The following PXDNL variants were observed in gnomAD, a reference collection of about 807,000 sequenced individuals.
PXDNL encodes probable oxidoreductase PXDNL.
PXDNL carries 145 observed loss-of-function variants against 150.8 expected under a neutral mutation model. The ratio of observed to expected loss-of-function variants is 0.96; its 90% confidence interval spans 0.84 to 1.10. The LOEUF is 1.10. Ranked by LOEUF, PXDNL falls within the 50% of genes least tolerant of loss-of-function variation. PXDNL has a pLI of 0.00. For missense variants in PXDNL, 2,087 were observed against 1,873.9 expected (o/e 1.11, Z -2.10); for synonymous variants, 757 against 725.7 (o/e 1.04, Z -0.69).
chr8:51,433,364 A>T (rs1052932585), intron 12 of PXDNL, among the ~76,000 whole-genome samples: 20 of 152,038 alleles, frequency 1.3e-4, no homozygotes, highest in African/African-American at 4.8e-4. Flanking sequence ...TCTTCTCTTA[A>T]TAATTAGTTA....
At chr8:51,431,952 C>A (rs951298478) in intron 12 of PXDNL, among the ~76,000 whole-genome samples, 3 of 152,086 alleles carry the variant, frequency 2.0e-5, no homozygotes, top group Non-Finnish European at 2.9e-5. Context: ...ATATATATTG[C>A]AAATATCTTC....
rs539646722 is a variant in PXDNL, at chr8:51,579,686, T to C, written c.308+12941A>G. 4.6e-5 allele frequency among the ~76,000 whole-genome samples: 7 copies of C among 152,206 alleles called. No homozygotes were observed. In the East Asian group the frequency reaches 1.4e-3, roughly 29 times the overall value. ...GCAATGTTAATCACCACCATAAAGATTTTAATTCTTAATAGCCAGAAACTG... is the reference window on the plus strand; with the variant it reads ...GCAATGTTAATCACCACCATAAAGACTTTAATTCTTAATAGCCAGAAACTG... On this transcript the variant is annotated intron_variant, in intron 3 of 22. Coordinates refer to ENST00000356297, the MANE Select transcript of PXDNL (RefSeq NM_144651.5).
At chr8:51,606,223 G>C (rs1185689880) in intron 2 of PXDNL, among the ~76,000 whole-genome samples, 2 of 152,092 alleles carry the variant, frequency 1.3e-5, no homozygotes, top group African/African-American at 4.8e-5. Flanking sequence ...GTATCACAGA[G>C]TTTTAGACAT....
chr8:51,743,908 A>AAAGGAAGGAAGGAAGGGAGG (rs2036933905), intron 1 of PXDNL, among the ~76,000 whole-genome samples: 1 of 66,866 alleles, frequency 1.5e-5, no homozygotes, highest in Non-Finnish European at 3.2e-5. Flanking sequence ...GCTGAGAGAG[A>AAAGGAAGGAAGGAAGGGAGG]AAGGAAGGAA....
intron 5 of PXDNL, among the ~76,000 whole-genome samples, chr8:51,487,797 A>G (rs1215545288): frequency 6.6e-6 from 1 of 152,212 alleles, no homozygotes; most frequent in Non-Finnish European, 1.5e-5. Context: ...TCTTGATTGT[A>G]TTGAGATCAT....
chr8:51,707,735 A>G (rs1179473683), intron 1 of PXDNL, among the ~76,000 whole-genome samples: 1 of 152,100 alleles, frequency 6.6e-6, no homozygotes, highest in Non-Finnish European at 1.5e-5. Flanking sequence ...TGTGAATTTG[A>G]CTATTTTAGA....
intron 20 of PXDNL, 51 bp from the exon 21 acceptor site, chr8:51,339,804 G>T: frequency 1.3e-6 from 2 of 1,556,844 alleles, no homozygotes; most frequent in South Asian, 1.2e-5. Flanking sequence ...AGTCGTGTGA[G>T]AATTTTAAAA....
chr8:51,354,301 A>G (rs2915469), intron 19 of PXDNL, among the ~76,000 whole-genome samples: 111,374 of 151,958 alleles, frequency 0.73, 41,366 homozygotes, highest in East Asian at 0.94. Context: ...CAATTTTATC[A>G]GTAGAATTTT....
chr8:51,759,467 C>A (rs2037138285), intron 1 of PXDNL, among the ~76,000 whole-genome samples: 1 of 152,030 alleles, frequency 6.6e-6, no homozygotes, highest in African/African-American at 2.4e-5. Flanking sequence ...ATCTATGTCC[C>A]CGATTTGAGT....
intron 4 of PXDNL, among the ~76,000 whole-genome samples, chr8:51,554,505 T>C (rs981946944): frequency 3.9e-5 from 6 of 152,228 alleles, no homozygotes; most frequent in Non-Finnish European, 7.3e-5. Context: ...TATGTTACAC[T>C]TCCCTTTTAA....
chr8:51,692,021 C>T (rs749668775), intron 1 of PXDNL, among the ~76,000 whole-genome samples: 22 of 152,188 alleles, frequency 1.4e-4, no homozygotes, highest in Non-Finnish European at 2.6e-4. Flanking sequence ...CAAAAGTAGA[C>T]TCGTGCTGTT....
chr8:51,651,365 C>T (rs1396328120), intron 2 of PXDNL, among the ~76,000 whole-genome samples: 2 of 152,084 alleles, frequency 1.3e-5, no homozygotes, highest in East Asian at 3.9e-4. Flanking sequence ...AATTATCATG[C>T]CCTTCTTTTG....
At chr8:51,589,882 C>T (rs556486417) in intron 3 of PXDNL, among the ~76,000 whole-genome samples, 1 of 152,088 alleles carries the variant, frequency 6.6e-6, no homozygotes, top group East Asian at 1.9e-4. Context: ...ACAGGTGTGC[C>T]CAAGTGACCA....
At chr8:51,578,774 G>A (rs934366690) in intron 3 of PXDNL, among the ~76,000 whole-genome samples, 3 of 151,902 alleles carry the variant, frequency 2.0e-5, no homozygotes, top group Admixed American at 1.3e-4. Flanking sequence ...ATAGGTAAAT[G>A]TAATAAAATA....
chr8:51,479,504 A>T (rs185167552), intron 6 of PXDNL, among the ~76,000 whole-genome samples: 1 of 152,360 alleles, frequency 6.6e-6, no homozygotes, highest in African/African-American at 2.4e-5. Context: ...TGGATGTGTT[A>T]TTCCAAATGG....
chr8:51,545,646 A>G (rs1812343604), intron 4 of PXDNL, among the ~76,000 whole-genome samples: 1 of 152,210 alleles, frequency 6.6e-6, no homozygotes, highest in Non-Finnish European at 1.5e-5. Context: ...GCAGAAGGGC[A>G]AAGAGAGGGT....
intron 2 of PXDNL, among the ~76,000 whole-genome samples, chr8:51,642,193 C>T (rs1204729782): frequency 1.5e-5 from 2 of 136,988 alleles, no homozygotes; most frequent in East Asian, 2.3e-4. Context: ...ACATCATACT[C>T]TGGGGACTGT....
intron 1 of PXDNL, among the ~76,000 whole-genome samples, chr8:51,799,111 A>G (rs1273342756): frequency 6.6e-6 from 1 of 152,234 alleles, no homozygotes; most frequent in Non-Finnish European, 1.5e-5. Flanking sequence ...GCTGGAAGCC[A>G]TTATCCTTAG....
chr8:51,494,204 A>T (rs1029906840), intron 5 of PXDNL, among the ~76,000 whole-genome samples: 6 of 152,328 alleles, frequency 3.9e-5, no homozygotes, highest in African/African-American at 1.4e-4. Context: ...AAGGATAAAT[A>T]AAATACTTTA....
Sources: allele counts gnomAD v4.1 joint callset (sites outside exome capture counted in the v4.1 genomes callset), GRCh38; gene constraint gnomAD v4.1.1; transcripts MANE v1.5; gene names NCBI Gene and HGNC (gene_info 2026-07-23, HGNC 2026-07-21).